The following MAPK10 variants were observed in gnomAD, a reference collection of about 807,000 sequenced individuals.
MAPK10 encodes the protein mitogen-activated protein kinase 10.
Under a neutral mutation model 59.3 loss-of-function variants are expected in MAPK10, and 25 were observed. The observed-to-expected ratio is 0.42, with a 90% CI of 0.31 to 0.59. The LOEUF (loss-of-function observed/expected upper bound fraction) is 0.59. MAPK10 is among the 20% of genes least tolerant of loss of function. MAPK10 has a pLI of 0.15. For synonymous variants in MAPK10, 190 were observed against 200.5 expected (o/e 0.95, Z 0.44); for missense variants, 351 against 568.9 (o/e 0.62, Z 3.90).
intron 11 of MAPK10, among the ~76,000 whole-genome samples, chr4:86,055,446 T>C (rs779673843): frequency 6.7e-6 from 1 of 149,874 alleles, no homozygotes; most frequent in Non-Finnish European, 1.5e-5. Flanking sequence ...GAAAACTCAA[T>C]TGATGTGCTT....
chr4:86,029,475 G>C (rs1323728461), intron 12 of MAPK10, among the ~76,000 whole-genome samples: 1 of 152,078 alleles, frequency 6.6e-6, no homozygotes, highest in East Asian at 1.9e-4. Context: ...ATCTAGTAAA[G>C]CAGTTGAAGA....
At chr4:86,561,797 C>T (rs1406368296) in intron 1 of MAPK10, among the ~76,000 whole-genome samples, 3 of 152,172 alleles carry the variant, frequency 2.0e-5, no homozygotes, top group Non-Finnish European at 4.4e-5. Context: ...AAGAAGCAGA[C>T]AGAGGACTTG....
intron 3 of MAPK10, among the ~76,000 whole-genome samples, chr4:86,175,303 T>C (rs547223927): frequency 2.6e-5 from 4 of 152,298 alleles, no homozygotes; most frequent in East Asian, 3.9e-4. Flanking sequence ...GTTTTTCAAA[T>C]GCTACATTTA....
intron 2 of MAPK10, among the ~76,000 whole-genome samples, chr4:86,298,683 T>A (rs757309104): frequency 6.6e-6 from 1 of 152,252 alleles, no homozygotes; most frequent in East Asian, 1.9e-4. Context: ...TAGTGTGTGA[T>A]CAGAATTAAT....
At chr4:86,123,321 C>A (rs1181538611) in intron 4 of MAPK10, among the ~76,000 whole-genome samples, 4 of 151,962 alleles carry the variant, frequency 2.6e-5, no homozygotes, top group African/African-American at 9.7e-5. Context: ...AGATTGATTT[C>A]TTTTCTTGGC....
At position 86,316,771 on chromosome 4, in the gene MAPK10, C is replaced by T. The variant is rs537770958; in HGVS notation, c.-7+37759G>A. On this transcript the variant is annotated intron_variant, in intron 2 of 13. Transcript: ENST00000641462. ...GTGCCCACAGGGACTACACAGGTAT[C>T]GTAGATGCATGAGGAAGCTGAGCTG... Among the ~76,000 whole-genome samples the T allele has an allele frequency of 3.9e-5, 6 of 152,226 alleles. No individual in the cohort carries two copies. In the South Asian group the frequency reaches 1.2e-3, roughly 32 times the overall value.
chr4:86,128,034 T>C (rs1261267148), intron 4 of MAPK10, among the ~76,000 whole-genome samples: 1 of 152,088 alleles, frequency 6.6e-6, no homozygotes, highest in Non-Finnish European at 1.5e-5. Flanking sequence ...AGTTTTATTA[T>C]ATATATAGCA....
chr4:86,217,292 A>C (rs183056355), intron 2 of MAPK10, among the ~76,000 whole-genome samples: 5 of 152,178 alleles, frequency 3.3e-5, no homozygotes, highest in Non-Finnish European at 7.4e-5. Context: ...AAAACATTCT[A>C]TACAGAATTG....
At chr4:86,185,928 T>C (rs1050998785) in intron 3 of MAPK10, among the ~76,000 whole-genome samples, 1 of 152,018 alleles carries the variant, frequency 6.6e-6, no homozygotes, top group Non-Finnish European at 1.5e-5. Flanking sequence ...TAAGTGGAGA[T>C]GTAGAACAGA....
At position 86,107,223 on chromosome 4, in the gene MAPK10, G is replaced by A. The variant is rs200989776; in HGVS notation, c.366C>T (p.Asn122=). ...GAAGTTTAAAAATAACAAAACTCAC[G>A]TTTTTATGGTTCACACACTTCATGA... The part of the protein sequence containing the change: ...LVLMKCVNHK[N]IISLLNVFTP... The change falls in exon 5 of 14, where the codon AAC becomes AAT. Residue 122 remains asparagine (N), a splice_region_variant and synonymous_variant. Transcript: ENST00000641462. The A allele has an allele frequency of 2.9e-5, 47 of 1,605,406 alleles. No individual in the cohort carries two copies. Among genetic ancestry groups the A allele is most frequent in the African/African-American group, 1.2e-4 (9 of 74,314 alleles).
intron 2 of MAPK10, among the ~76,000 whole-genome samples, chr4:86,250,930 G>A (rs1224293150): frequency 2.6e-5 from 4 of 152,116 alleles, no homozygotes; most frequent in Non-Finnish European, 4.4e-5. Flanking sequence ...CTGGGATGAA[G>A]TAAGCTCAAT....
intron 2 of MAPK10, among the ~76,000 whole-genome samples, chr4:86,207,074 T>G (rs377523610): frequency 0.043 from 6,514 of 150,970 alleles, 174 homozygotes; most frequent in East Asian, 0.12. Context: ...GTCAATTTTG[T>G]CTTTTGTTGC....
chr4:86,059,686 T>C (rs945618866), intron 11 of MAPK10, among the ~76,000 whole-genome samples: 7 of 152,064 alleles, frequency 4.6e-5, no homozygotes, highest in Admixed American at 2.0e-4. Flanking sequence ...GTTTACCAAA[T>C]CACCTTCCAG....
intron 8 of MAPK10, chr4:86,099,795 C>G (rs767939594): frequency 6.6e-6 from 1 of 152,130 alleles, no homozygotes; most frequent in Non-Finnish European, 1.5e-5. Context: ...TCTCCTTTGA[C>G]TTTTTAAAAA....
At chr4:86,493,246 G>A (rs1399854628) in intron 1 of MAPK10, among the ~76,000 whole-genome samples, 1 of 152,176 alleles carries the variant, frequency 6.6e-6, no homozygotes, top group East Asian at 1.9e-4. Context: ...AGGACTGCCT[G>A]ATTTGCGAAT....
At chr4:86,587,158 T>C (rs1179704638) in intron 1 of MAPK10, among the ~76,000 whole-genome samples, 4 of 152,218 alleles carry the variant, frequency 2.6e-5, no homozygotes, top group Admixed American at 2.6e-4. Flanking sequence ...CTTATTTCCT[T>C]CACTTTACAA....
At chr4:86,330,141 G>A (rs111304172) in intron 2 of MAPK10, among the ~76,000 whole-genome samples, 19 of 152,260 alleles carry the variant, frequency 1.2e-4, no homozygotes, top group Admixed American at 3.9e-4. Flanking sequence ...TGCTGTGTCC[G>A]TTCAGAATAA....
intron 1 of MAPK10, among the ~76,000 whole-genome samples, chr4:86,443,211 C>A (rs1209658145): frequency 6.6e-6 from 1 of 151,894 alleles, no homozygotes; most frequent in Non-Finnish European, 1.5e-5. Context: ...TCCAGGAGCT[C>A]TATCAGCTTC....
intron 9 of MAPK10, among the ~76,000 whole-genome samples, chr4:86,092,181 G>C (rs1208860980): frequency 6.6e-6 from 1 of 151,998 alleles, no homozygotes; most frequent in Non-Finnish European, 1.5e-5. Flanking sequence ...CTGAAATTCT[G>C]ATGTACATAT....
Sources: gnomAD v4.1 joint callset for allele counts (sites outside exome capture counted in the v4.1 genomes callset) on GRCh38, gnomAD v4.1.1 for gene constraint, MANE v1.5 for transcripts, NCBI Gene and HGNC (gene_info 2026-07-23, HGNC 2026-07-21) for gene names.